Variants in RTTN observed in about 807,000 individuals in gnomAD.
The protein encoded by RTTN is rotatin.
Under a neutral mutation model 269.2 loss-of-function variants are expected in RTTN, and 182 were observed. The observed-to-expected ratio is 0.68, with a 90% confidence interval of 0.60 to 0.76. The LOEUF (loss-of-function observed/expected upper bound fraction) is 0.76, where lower values mean the gene tolerates loss of function less well. Ranked by LOEUF, RTTN falls within the 30% of genes least tolerant of loss-of-function variation. RTTN has a pLI of 0.00. For synonymous variants in RTTN, 1,006 were observed against 963.5 expected, an observed-to-expected ratio of 1.04 and a Z score of -0.82; for missense variants, 2,545 against 2,608.6, an observed-to-expected ratio of 0.98 and a Z score of 0.53.
chr18:70,184,013 C>T (rs1383543173), intron 10 of RTTN, among the ~76,000 whole-genome samples: 1 of 152,146 alleles, frequency 6.6e-6, no homozygotes. Flanking sequence ...AGTAATGCTC[C>T]CATGCTGGCC....
intron 30 of RTTN, among the ~76,000 whole-genome samples, chr18:70,090,701 T>C (rs1450084692): frequency 2.0e-5 from 3 of 152,144 alleles, no homozygotes; most frequent in Non-Finnish European, 4.4e-5. Flanking sequence ...TCCTCCTTGG[T>C]TTCAAAGACC....
intron 21 of RTTN, among the ~76,000 whole-genome samples, chr18:70,137,054 A>G (rs1283458555): frequency 6.6e-6 from 1 of 152,228 alleles, no homozygotes; most frequent in African/African-American, 2.4e-5. Flanking sequence ...TCGGAAAAAT[A>G]TATTCCTAAT....
chr18:70,080,473 T>C (rs933467161), intron 32 of RTTN, among the ~76,000 whole-genome samples: 1 of 152,166 alleles, frequency 6.6e-6, no homozygotes, highest in Non-Finnish European at 1.5e-5. Flanking sequence ...AAGAATGATT[T>C]GAACATTGAA....
Position 70,149,989 on chromosome 18 carries a change from AG to A in RTTN, c.2153del (p.Pro718LeufsTer23). ...AGAATACCTGTAGTATTGGGATGAC[AG>A]GACAGAGAGATTCAATAAACTTGTT... Reference protein sequence around the residue: ...TWNKFIESLCPVIPILQGYAD... With the variant: ...TWNKFIESLCXVIPILQGYAD... On this transcript the variant is annotated frameshift_variant, in exon 16 of 49. Transcript: ENST00000640769. LOFTEE classifies it high-confidence loss of function. 6.2e-7 allele frequency: 1 copy of A among 1,609,100 alleles called. No homozygotes were observed. The highest frequency in any genetic ancestry group is 8.5e-7 in the Non-Finnish European group (1 of 1,175,554).
chr18:70,100,486 G>C (rs576165562), intron 28 of RTTN, among the ~76,000 whole-genome samples: 1 of 152,180 alleles, frequency 6.6e-6, no homozygotes, highest in Admixed American at 6.5e-5. Context: ...GGGCTGAGAC[G>C]ATGGGGTTTT....
At chr18:70,075,223 T>C (rs553097628) in intron 33 of RTTN, 129 bp downstream of exon 33, 9 of 612,312 alleles carry the variant, frequency 1.5e-5, no homozygotes, top group South Asian at 5.2e-5. Flanking sequence ...CTCTGGGTGG[T>C]AGAACTGGAA....
intron 40 of RTTN, among the ~76,000 whole-genome samples, chr18:70,041,042 G>A (rs1459672300): frequency 1.3e-5 from 2 of 151,580 alleles, no homozygotes; most frequent in Non-Finnish European, 2.9e-5. Context: ...CAACAAACAT[G>A]CGAAAAATAT....
rs79010619 is a variant in RTTN, at chr18:70,006,056, G to C, written c.6525+325C>G. 0.012 allele frequency: 2,536 copies of C among 204,400 alleles called. 21 individuals are homozygous for C. The highest frequency in any genetic ancestry group is 0.037 in the South Asian group (313 of 8,362). The allele number at this position is 204,400 out of a possible 1,614,324, so 12.7% of individuals were successfully genotyped here. On this transcript the variant is annotated intron_variant, in intron 47 of 48. Transcript: ENST00000640769. ...CTTTTGTTACTCAGTTTTACTTTAAGATGTGTTTTCCCTTGATACGTCTTT... is the reference window on the plus strand; with the variant it reads ...CTTTTGTTACTCAGTTTTACTTTAACATGTGTTTTCCCTTGATACGTCTTT...
Position 70,049,749 on chromosome 18 carries a change from G to A in RTTN, c.5324-1561C>T, listed in dbSNP as rs1220612868. ...TTTTTTCTATGCTAAAATTTAGGAG[G>A]CTTCATGAAAAATTAAAGATTAGTT... On this transcript the variant is annotated intron_variant, in intron 39 of 48. Transcript: ENST00000640769. Among the ~76,000 whole-genome samples the A allele has an allele frequency of 2.0e-5, 3 of 151,998 alleles. 1 individual carries two copies. The highest frequency in any genetic ancestry group is 2.9e-5 in the Non-Finnish European group (2 of 67,960).
chr18:70,048,171 C>A lies in RTTN; in HGVS notation c.5341G>T (p.Ala1781Ser). Residue 1781 changes from alanine (A) to serine (S), a missense_variant, in exon 40 of 49, where the codon GCA becomes TCA. Coordinates refer to ENST00000640769, the MANE Select transcript of RTTN (RefSeq NM_173630.4). ...GCAGGACACGTGGCAGACAAGCCTG[C>A]ACATGTGCAGAACATATCTAAAGGA... ...TAAIDMFCTC[A>S]GLSATCPALY... The A allele has an allele frequency of 6.2e-7, 1 of 1,613,868 alleles. No homozygotes were observed. The highest frequency in any genetic ancestry group is 2.2e-5 in the East Asian group (1 of 44,868).
chr18:70,174,133 TGTATATGA>T (rs1214029605), intron 11 of RTTN, among the ~76,000 whole-genome samples: 2 of 126,522 alleles, frequency 1.6e-5, no homozygotes, highest in African/African-American at 5.5e-5. Flanking sequence ...CTTTTCTGAA[TGTATATGA>T]AAGTTTAAAA....
At chr18:70,137,227 T>C (rs2060145981) in intron 21 of RTTN, among the ~76,000 whole-genome samples, 1 of 152,158 alleles carries the variant, frequency 6.6e-6, no homozygotes, top group Admixed American at 6.5e-5. Flanking sequence ...TTCGATTCTC[T>C]CTCAGTAGCA....
chr18:70,176,472 T>C (rs1183475530), intron 11 of RTTN, among the ~76,000 whole-genome samples: 2 of 152,156 alleles, frequency 1.3e-5, no homozygotes. Flanking sequence ...AAAAATAATT[T>C]CCCATCAAAT....
chr18:70,004,811 G>A (rs1219335739), intron 48 of RTTN, among the ~76,000 whole-genome samples: 2 of 152,200 alleles, frequency 1.3e-5, no homozygotes, highest in South Asian at 2.1e-4. Context: ...ACAGGGAAAC[G>A]TGGATATAAG....
intron 11 of RTTN, among the ~76,000 whole-genome samples, chr18:70,173,474 A>C (rs1205313358): frequency 6.8e-6 from 1 of 147,752 alleles, no homozygotes; most frequent in Non-Finnish European, 1.5e-5. Flanking sequence ...GCCTGGTGAC[A>C]GAGCAAGACT....
chr18:70,087,382 TACTTAAAA>T (rs2145193060), intron 31 of RTTN, among the ~76,000 whole-genome samples: 1 of 152,286 alleles, frequency 6.6e-6, no homozygotes, highest in East Asian at 1.9e-4. Context: ...TAAACATCAC[TACTTAAAA>T]ACATGAAGGC....
chr18:70,050,315 GA>G (rs967312742), intron 39 of RTTN, among the ~76,000 whole-genome samples: 14 of 151,766 alleles, frequency 9.2e-5, no homozygotes, highest in African/African-American at 2.2e-4. Context: ...CGACAAACAT[GA>G]AAAAAAACCC....
At chr18:70,160,389 C>G (rs1381772512) in intron 14 of RTTN, among the ~76,000 whole-genome samples, 5 of 151,980 alleles carry the variant, frequency 3.3e-5, no homozygotes, top group Non-Finnish European at 7.4e-5. Context: ...AACATTCCTT[C>G]TTGTTAAAAA....
At chr18:70,200,789 G>A (rs976834242) in intron 4 of RTTN, among the ~76,000 whole-genome samples, 1 of 152,096 alleles carries the variant, frequency 6.6e-6, no homozygotes, top group Admixed American at 6.5e-5. Context: ...GCCTCACCAA[G>A]GACAAAGTTT....
Sources: allele counts gnomAD v4.1 joint callset (sites outside exome capture counted in the v4.1 genomes callset), GRCh38; gene constraint gnomAD v4.1.1; transcripts MANE v1.5; gene names NCBI Gene and HGNC (gene_info 2026-07-23, HGNC 2026-07-21).